Variants in SHROOM3 observed in about 807,000 individuals in gnomAD.
SHROOM3 encodes shroom family member 3, also known as protein Shroom3.
SHROOM3 carries 47 observed loss-of-function variants against 138.6 expected under a neutral mutation model. That is an observed-to-expected ratio of 0.34 (90% CI 0.27 to 0.43). The LOEUF is 0.43. Among genes scored for constraint, SHROOM3 ranks in the 20% least tolerant of loss-of-function variants. The pLI, the probability that SHROOM3 is intolerant of heterozygous loss-of-function variation, is 1.00. For synonymous variants in SHROOM3, 1,062 were observed against 1,063.3 expected, an observed-to-expected ratio of 1.00 and a Z score of 0.02; for missense variants, 2,491 against 2,596.5, an observed-to-expected ratio of 0.96 and a Z score of 0.88.
chr4:76,651,157 A>T (rs1446305832), intron 2 of SHROOM3, among the ~76,000 whole-genome samples: 1 of 151,896 alleles, frequency 6.6e-6, no homozygotes, highest in Non-Finnish European at 1.5e-5. Context: ...CTGGGTGGGG[A>T]GGTAAGGATG....
intron 1 of SHROOM3, among the ~76,000 whole-genome samples, chr4:76,482,807 G>C (rs556393567): frequency 1.2e-4 from 19 of 152,240 alleles, no homozygotes; most frequent in Middle Eastern, 3.4e-3. Flanking sequence ...CAGATACATA[G>C]ACCAATGGAA....
In SHROOM3 at chr4:76,739,413, C is replaced by T. The variant is rs148120221; in HGVS notation, c.1240C>T (p.Arg414Trp). Residue 414 changes from arginine (R) to tryptophan (W), a missense_variant, in exon 5 of 11, where the codon CGG becomes TGG. Arg to Trp is a moderately radical substitution (Grantham distance 101). This residue lies in a region of SHROOM3 where 1,733 missense variants were observed against 1,661.6 expected (regional missense o/e 1.04). Transcript: ENST00000296043. ...WSSLDQKRLC[R>W]PQANSLGSLK... ...TAGCCTTGATCAGAAACGGCTCTGC[C>T]GGCCTCAGGCAAACTCTTTAGGCTC... The T allele has an allele frequency of 9.0e-5, 145 of 1,613,980 alleles. No individual in the cohort carries two copies. Among genetic ancestry groups the T allele is most frequent in the Non-Finnish European group, 1.2e-4 (137 of 1,180,024 alleles).
intron 1 of SHROOM3, among the ~76,000 whole-genome samples, chr4:76,539,988 C>T (rs893624173): frequency 6.6e-6 from 1 of 152,202 alleles, no homozygotes; most frequent in Non-Finnish European, 1.5e-5. Context: ...GCTGGTATTA[C>T]AGGGGTGCGG....
chr4:76,555,786 G>T (rs750573673), intron 2 of SHROOM3, 23 bp downstream of exon 2: 2 of 1,608,066 alleles, frequency 1.2e-6, no homozygotes, highest in South Asian at 2.2e-5. Flanking sequence ...CCCCCACCCT[G>T]TCCCTCCTAC....
intron 2 of SHROOM3, chr4:76,709,828 A>T: frequency 3.4e-6 from 1 of 297,942 alleles, no homozygotes; most frequent in South Asian, 3.2e-5. Context: ...ACCAAAACCA[A>T]ATTACAGGGG....
chr4:76,625,717 T>C (rs1466090266), intron 2 of SHROOM3, among the ~76,000 whole-genome samples: 1 of 152,194 alleles, frequency 6.6e-6, no homozygotes, highest in Non-Finnish European at 1.5e-5. Context: ...TATGTGTTAC[T>C]TCTCTAACTA....
At chr4:76,618,124 A>G (rs1427033447) in intron 2 of SHROOM3, among the ~76,000 whole-genome samples, 1 of 152,048 alleles carries the variant, frequency 6.6e-6, no homozygotes, top group Non-Finnish European at 1.5e-5. Flanking sequence ...ACACAGGGAG[A>G]CTCCATATCT....
At position 76,552,066 on chromosome 4, in the gene SHROOM3, T is replaced by C. The variant is rs1017409980; in HGVS notation, c.169-3543T>C. Among the ~76,000 whole-genome samples, 5 of 147,358 alleles carry C rather than the reference T, an allele frequency of 3.4e-5. No individual in the cohort carries two copies. In the South Asian group the frequency reaches 8.7e-4, roughly 26 times the overall value. On this transcript the variant is annotated intron_variant, in intron 1 of 10. Transcript: ENST00000296043. Reference sequence around the variant, plus strand: ...TTAGTAGAGACGGGGTTTCACCGTGTTAGCCAGGATGGACTCGATCTCCTG... The same window carrying C: ...TTAGTAGAGACGGGGTTTCACCGTGCTAGCCAGGATGGACTCGATCTCCTG...
In SHROOM3 at chr4:76,496,079, C is replaced by G. The variant is rs188462118; in HGVS notation, c.169-59530C>G. On this transcript the variant is annotated intron_variant, in intron 1 of 10. Transcript: ENST00000296043. ...GGTAACAAGTGTCAAGATTAGGAGG[C>G]TAGGCTAGTGTGTTGAGAGTTTGGA... 2.1e-3 allele frequency among the ~76,000 whole-genome samples: 314 copies of G among 152,276 alleles called. 1 individual carries two copies. The highest frequency in any genetic ancestry group is 2.2e-3 in the Non-Finnish European group (153 of 68,020).
At chr4:76,770,381 C>T (rs1722320226) in intron 9 of SHROOM3, among the ~76,000 whole-genome samples, 1 of 134,204 alleles carries the variant, frequency 7.5e-6, no homozygotes, top group Non-Finnish European at 1.6e-5. Context: ...TAGCATGACA[C>T]AATGGAAAAC....
At chr4:76,771,402 C>G (rs1722353972) in intron 10 of SHROOM3, among the ~76,000 whole-genome samples, 1 of 151,986 alleles carries the variant, frequency 6.6e-6, no homozygotes, top group Non-Finnish European at 1.5e-5. Context: ...ACTGCTGACA[C>G]TTAAGGCTCA....
chr4:76,514,809 A>G (rs1732411942), intron 1 of SHROOM3, among the ~76,000 whole-genome samples: 1 of 152,212 alleles, frequency 6.6e-6, no homozygotes, highest in African/African-American at 2.4e-5. Context: ...GGAAGAGAAA[A>G]TACTTGGCTC....
intron 4 of SHROOM3, 66 bp downstream of exon 4, chr4:76,731,001 G>A (rs2110128575): frequency 6.3e-7 from 1 of 1,590,446 alleles, no homozygotes. Flanking sequence ...AGAAAAGAAT[G>A]TTTTCTTCTC....
chr4:76,716,414 A>T (rs1720376427), intron 3 of SHROOM3: 2 of 518,868 alleles, frequency 3.9e-6, no homozygotes, highest in African/African-American at 3.9e-5. Context: ...CCACAAGGTA[A>T]GTTCAGTATT....
intron 1 of SHROOM3, among the ~76,000 whole-genome samples, chr4:76,449,414 A>G (rs1560509691): frequency 6.6e-6 from 1 of 152,246 alleles, no homozygotes; most frequent in Non-Finnish European, 1.5e-5. Flanking sequence ...ACACCTAAGC[A>G]GGCAATAGAA....
chr4:76,440,726 C>T (rs1730651930), intron 1 of SHROOM3, among the ~76,000 whole-genome samples: 1 of 152,180 alleles, frequency 6.6e-6, no homozygotes, highest in African/African-American at 2.4e-5. Context: ...TTGTCTCTTA[C>T]ATCATCAACA....
At chr4:76,742,428 G>A (rs1475529773) in intron 5 of SHROOM3, among the ~76,000 whole-genome samples, 3 of 152,082 alleles carry the variant, frequency 2.0e-5, no homozygotes, top group Non-Finnish European at 4.4e-5. Context: ...CCTGAGCTAA[G>A]TGTAATCTAC....
chr4:76,589,348 T>C (rs960123033), intron 2 of SHROOM3, among the ~76,000 whole-genome samples: 3 of 151,956 alleles, frequency 2.0e-5, no homozygotes, highest in East Asian at 3.9e-4. Context: ...ATGCCTGTAA[T>C]CCCAGCTAAT....
rs528400348 is a variant in SHROOM3 at position 76,735,431 on chromosome 4, C to A, written c.588-3330C>A. On this transcript the variant is annotated intron_variant, in intron 4 of 10. Coordinates refer to ENST00000296043, the MANE Select transcript of SHROOM3 (RefSeq NM_020859.4). ...AGGGAAAATACCTAACAGAGGCCTT[C>A]CATGACCTTTCTACCTTAGGTTTGC... 3.3e-5 allele frequency among the ~76,000 whole-genome samples: 5 copies of A among 152,160 alleles called. No individual in the cohort carries two copies. The East Asian group carries it at 9.7e-4, about 29-fold the overall frequency.
Sources: allele counts gnomAD v4.1 joint callset (sites outside exome capture counted in the v4.1 genomes callset), GRCh38; gene constraint gnomAD v4.1.1; regional missense constraint gnomAD v4.1.1; transcripts MANE v1.5; gene names NCBI Gene and HGNC (gene_info 2026-07-23, HGNC 2026-07-21).